The following ZBED6 variants were observed in gnomAD, a reference collection of about 807,000 sequenced individuals.
The protein encoded by ZBED6 is zinc finger BED-type containing 6.
In ZBED6, 40 loss-of-function variants were observed where a neutral mutation model predicts 58.4. That is an observed-to-expected ratio of 0.68 (90% confidence interval 0.53 to 0.89). ZBED6 has a LOEUF of 0.89. Among genes scored for constraint, ZBED6 ranks in the 40% least tolerant of loss-of-function variants. The pLI, the probability that ZBED6 is intolerant of heterozygous loss-of-function variation, is 0.00. For missense variants in ZBED6, 1,057 were observed against 1,003.9 expected (o/e 1.05, Z -0.71); for synonymous variants, 439 against 350.6 (o/e 1.25, Z -2.82).
chr1:203,797,657 A>G, exon 1 of ZBED6: 1 of 1,536,110 alleles, frequency 6.5e-7, no homozygotes, highest in East Asian at 2.4e-5. Context: ...TGGTAGAGGA[A>G]AAGATGGTAG....
At chr1:203,846,343 C>T (rs762871127) in intron 11 of ZBED6, among the ~76,000 whole-genome samples, 24 of 152,156 alleles carry the variant, frequency 1.6e-4, no homozygotes, top group South Asian at 1.0e-3. Context: ...AGATATAGAA[C>T]GATTAATGTA....
At chr1:203,818,108 A>C (rs974855283) in intron 2 of ZBED6, among the ~76,000 whole-genome samples, 8 of 152,238 alleles carry the variant, frequency 5.3e-5, no homozygotes, top group Admixed American at 3.9e-4. Flanking sequence ...TACCTATAGC[A>C]GTTTGCACAA....
chr1:203,806,490 A>G (rs1054164785), intron 1 of ZBED6, among the ~76,000 whole-genome samples: 1 of 152,058 alleles, frequency 6.6e-6, no homozygotes, highest in Non-Finnish European at 1.5e-5. Context: ...TTTAATAGAG[A>G]TTAGGTTTCA....
chr1:203,849,707 ACAGGCTT>A lies in ZBED6; in HGVS notation c.*4324_*4330del. 2 of 1,613,276 alleles carry A rather than the reference ACAGGCTT, an allele frequency of 1.2e-6. No homozygotes were observed. The highest frequency in any genetic ancestry group is 1.7e-6 in the Non-Finnish European group (2 of 1,179,620). On this transcript the variant is annotated splice_acceptor_variant and splice_polypyrimidine_tract_variant and 3_prime_UTR_variant and intron_variant, in exon 14 of 17. Transcript: ENST00000550078. LOFTEE classifies it low-confidence loss of function (3UTR_SPLICE). The stretch of plus-strand genomic sequence containing the variant: ...TTAATTCTGTCATTCAAATTTATCC[ACAGGCTT>A]CAGGTGAGACCACAGGAGTTGACAT...
chr1:203,804,078 T>C (rs1474748938), intron 1 of ZBED6, among the ~76,000 whole-genome samples: 1 of 152,098 alleles, frequency 6.6e-6, no homozygotes, highest in Admixed American at 6.5e-5. Context: ...GCCTTAGTAG[T>C]TTCATAGTGT....
At chr1:203,832,993 G>A (rs2103062258) in intron 8 of ZBED6, among the ~76,000 whole-genome samples, 1 of 152,248 alleles carries the variant, frequency 6.6e-6, no homozygotes, top group Non-Finnish European at 1.5e-5. Flanking sequence ...CAGCACTTTG[G>A]GAGGCTGAGG....
At chr1:203,845,428 C>T (rs1339102462) in intron 11 of ZBED6, among the ~76,000 whole-genome samples, 1 of 152,118 alleles carries the variant, frequency 6.6e-6, no homozygotes, top group Non-Finnish European at 1.5e-5. Context: ...GCTTCCTTTG[C>T]AATATTACAG....
At chr1:203,815,716 A>G (rs1232361331) in intron 1 of ZBED6, among the ~76,000 whole-genome samples, 1 of 152,172 alleles carries the variant, frequency 6.6e-6, no homozygotes, top group African/African-American at 2.4e-5. Flanking sequence ...ACTTTTCATC[A>G]TGGCATACCA....
At chr1:203,852,048 C>G (rs2103483646) in intron 16 of ZBED6, 93 bp from the exon 17 acceptor site, 1 of 1,173,292 alleles carries the variant, frequency 8.5e-7, no homozygotes, top group African/African-American at 1.8e-5. Flanking sequence ...TTCTTAAAAA[C>G]AAATTTTTGC....
chr1:203,805,280 C>T (rs574180439), intron 1 of ZBED6, among the ~76,000 whole-genome samples: 17 of 150,958 alleles, frequency 1.1e-4, no homozygotes, highest in South Asian at 4.2e-4. Flanking sequence ...TACAGGCGCC[C>T]GCCACCACAC....
chr1:203,839,737 A>T (rs1425731172), intron 10 of ZBED6, among the ~76,000 whole-genome samples: 2 of 152,206 alleles, frequency 1.3e-5, no homozygotes, highest in Admixed American at 1.3e-4. Context: ...CTACAATAAC[A>T]AAATTATTTC....
rs1340330802 is a variant in ZBED6, at chr1:203,796,643, G to GA, written c.-875dup. On this transcript the variant is annotated 5_prime_UTR_variant, in exon 1 of 17. The change creates a new upstream start codon in the 5' untranslated region. Transcript: ENST00000550078. ...ATTGGGGGAAGGGGAGGGATCAATC[G>GA]AAAAATGGAAGTGGTTTAAAGTTCA... 2.5e-6 allele frequency: 1 copy of GA among 393,674 alleles called. No individual in the cohort carries two copies. Among genetic ancestry groups the GA allele is most frequent in the African/African-American group, 2.1e-5 (1 of 48,484 alleles). The allele number at this position is 393,674 out of a possible 1,614,324, so 24.4% of individuals were successfully genotyped here.
chr1:203,810,448 C>A (rs905651266), intron 1 of ZBED6, among the ~76,000 whole-genome samples: 1 of 139,090 alleles, frequency 7.2e-6, no homozygotes, highest in Non-Finnish European at 1.5e-5. Flanking sequence ...GAGACAGAGT[C>A]TCACTCTGTC....
At chr1:203,841,420 A>T (rs995904247) in intron 11 of ZBED6, among the ~76,000 whole-genome samples, 2 of 151,760 alleles carry the variant, frequency 1.3e-5, no homozygotes, top group Admixed American at 1.3e-4. Context: ...GCCCTTAATC[A>T]ATTTAACCCT....
exon 1 of ZBED6, chr1:203,799,632 G>A (rs768256437): frequency 1.8e-5 from 13 of 703,240 alleles, no homozygotes; most frequent in South Asian, 3.0e-5. Flanking sequence ...GAAAGTGAGC[G>A]TGAAGACCGC....
chr1:203,830,024 G>T (rs1681752748), intron 6 of ZBED6, 99 bp from the exon 7 acceptor site: 5 of 1,322,364 alleles, frequency 3.8e-6, no homozygotes, highest in African/African-American at 1.5e-5. Flanking sequence ...CTTAGTTTCT[G>T]TTGATCATTT....
intron 3 of ZBED6, among the ~76,000 whole-genome samples, chr1:203,819,226 AT>A (rs967842944): frequency 5.9e-4 from 73 of 123,750 alleles, no homozygotes; most frequent in African/African-American, 7.0e-4. Flanking sequence ...CTTTCTTTTT[AT>A]TTTTTTTTTT....
In ZBED6 at chr1:203,800,257, GT is replaced by G; in HGVS notation, c.2737del (p.Trp913GlyfsTer19). The G allele has an allele frequency of 9.1e-7, 1 of 1,104,006 alleles. No individual in the cohort carries two copies. Among genetic ancestry groups the G allele is most frequent in the Non-Finnish European group, 1.3e-6 (1 of 752,328 alleles). 68.4% of individuals were successfully genotyped at this position (1,104,006 alleles called of 1,614,324 possible). A position where few individuals can be genotyped will look rare whatever the true frequency, so the allele number is the denominator to read the frequency against. ...CAGTATCTAAGTTGCCCCATGTGTA[GT>G]TGGCAATCTGAATGTATCTTTACTA... On this transcript the variant is annotated frameshift_variant, in exon 1 of 17. Transcript: ENST00000550078. LOFTEE classifies it high-confidence loss of function.
intron 12 of ZBED6, among the ~76,000 whole-genome samples, chr1:203,847,975 C>T (rs573470562): frequency 2.0e-5 from 3 of 152,272 alleles, no homozygotes; most frequent in Non-Finnish European, 1.5e-5. Context: ...CCTGCCTCAG[C>T]CTCCCAAGTA....
Sources: gnomAD v4.1 joint callset for allele counts (sites outside exome capture counted in the v4.1 genomes callset) on GRCh38, gnomAD v4.1.1 for gene constraint, MANE v1.5 for transcripts, NCBI Gene and HGNC (gene_info 2026-07-23, HGNC 2026-07-21) for gene names.